Variants in CTTNBP2NL observed in about 807,000 individuals in gnomAD.
The protein encoded by CTTNBP2NL is CTTNBP2 N-terminal-like protein.
In CTTNBP2NL, 16 loss-of-function variants were observed where a neutral mutation model predicts 32.5. That is an observed-to-expected ratio of 0.49 (90% confidence interval 0.33 to 0.75). The LOEUF is 0.75. Ranked by LOEUF, CTTNBP2NL falls within the 30% of genes least tolerant of loss-of-function variation. The pLI, the probability that CTTNBP2NL is intolerant of heterozygous loss-of-function variation, is 0.02. For synonymous variants in CTTNBP2NL, 298 were observed against 289.4 expected, an observed-to-expected ratio of 1.03 and a Z score of -0.30; for missense variants, 645 against 756.0, an observed-to-expected ratio of 0.85 and a Z score of 1.72.
chr1:112,452,989 C>T (rs1317801444), intron 4 of CTTNBP2NL, among the ~76,000 whole-genome samples: 2 of 142,516 alleles, frequency 1.4e-5, no homozygotes, highest in South Asian at 2.2e-4. Context: ...GTGGTGTATG[C>T]CTGTAGTCTC....
chr1:112,456,132 G>T lies in CTTNBP2NL; in HGVS notation c.640G>T (p.Val214Leu). The T allele has an allele frequency of 6.2e-7, 1 of 1,614,156 alleles. No homozygotes were observed. Among genetic ancestry groups the T allele is most frequent in the Non-Finnish European group, 8.5e-7 (1 of 1,180,038 alleles). The part of the protein sequence containing the change: ...SLKLEKEKSR[V>L]SKLEEELAAE... ...GAAATTGGAGAAGGAGAAGAGCCGG[G>T]TGAGTAAACTGGAAGAAGAGTTGGC... The change falls in exon 6 of 6, where the codon GTG becomes TTG. Residue 214 changes from valine to leucine, a missense_variant. Physicochemically the swap from Val to Leu is conservative, Grantham distance 32 (BLOSUM62 1). Coordinates refer to ENST00000271277, the MANE Select transcript of CTTNBP2NL (RefSeq NM_018704.3).
chr1:112,403,701 T>C (rs565899782), intron 1 of CTTNBP2NL, among the ~76,000 whole-genome samples: 2 of 152,358 alleles, frequency 1.3e-5, no homozygotes, highest in South Asian at 2.1e-4. Flanking sequence ...GGTATGCGTT[T>C]ACCTGTATGC....
At chr1:112,405,452 C>T (rs973577136) in intron 1 of CTTNBP2NL, among the ~76,000 whole-genome samples, 1 of 152,132 alleles carries the variant, frequency 6.6e-6, no homozygotes, top group Non-Finnish European at 1.5e-5. Context: ...TGTGCGCCAC[C>T]ATGCCCGGCT....
At position 112,445,811 on chromosome 1, in the gene CTTNBP2NL, G is replaced by T. The variant is rs115144695; in HGVS notation, c.100-3131G>T. On this transcript the variant is annotated intron_variant, in intron 3 of 5. Transcript: ENST00000271277. ...TTATTAATTATACAGGGTAATCACA[G>T]TGTGGGTTTTAAAAGTCATATTTTG... 8.3e-3 allele frequency among the ~76,000 whole-genome samples: 1,259 copies of T among 152,256 alleles called. 18 individuals carry two copies. The highest frequency in any genetic ancestry group is 0.029 in the African/African-American group (1,184 of 41,530).
upstream of CTTNBP2NL, among the ~76,000 whole-genome samples, chr1:112,394,578 A>G (rs1355978426): frequency 6.6e-6 from 1 of 152,184 alleles, no homozygotes; most frequent in Non-Finnish European, 1.5e-5. Context: ...ACCCTGCATC[A>G]TTACTCCAGA....
intron 3 of CTTNBP2NL, among the ~76,000 whole-genome samples, chr1:112,430,740 G>C (rs548991974): frequency 2.0e-5 from 3 of 150,884 alleles, no homozygotes; most frequent in South Asian, 2.1e-4. Flanking sequence ...ATTTTTAGTA[G>C]AGACTAAAAT....
intron 3 of CTTNBP2NL, among the ~76,000 whole-genome samples, chr1:112,438,039 A>G (rs562883112): frequency 7.9e-5 from 12 of 152,222 alleles, no homozygotes; most frequent in Non-Finnish European, 1.6e-4. Flanking sequence ...TCCCGTGTCC[A>G]GAATGGTATT....
chr1:112,402,666 TAAC>T (rs969776498), intron 1 of CTTNBP2NL, among the ~76,000 whole-genome samples: 2 of 152,206 alleles, frequency 1.3e-5, no homozygotes, highest in Admixed American at 6.5e-5. Context: ...GCTACAGAAG[TAAC>T]AACAGAACCA....
chr1:112,397,076 A>G (rs564671426), intron 1 of CTTNBP2NL, among the ~76,000 whole-genome samples: 1 of 152,320 alleles, frequency 6.6e-6, no homozygotes, highest in South Asian at 2.1e-4. Flanking sequence ...GAACTTGATG[A>G]AAAGCCATCT....
chr1:112,411,492 T>A (rs1047620866), intron 1 of CTTNBP2NL, among the ~76,000 whole-genome samples: 1 of 152,180 alleles, frequency 6.6e-6, no homozygotes, highest in African/African-American at 2.4e-5. Flanking sequence ...TGTATGATAA[T>A]GTATCCACAC....
chr1:112,450,740 A>G (rs1650191056), intron 4 of CTTNBP2NL, among the ~76,000 whole-genome samples: 1 of 149,952 alleles, frequency 6.7e-6, no homozygotes, highest in African/African-American at 2.5e-5. Context: ...TGAATATTAA[A>G]TTTTTGAAAC....
At chr1:112,450,313 G>A (rs1035950463) in intron 4 of CTTNBP2NL, among the ~76,000 whole-genome samples, 1 of 152,190 alleles carries the variant, frequency 6.6e-6, no homozygotes, top group East Asian at 1.9e-4. Flanking sequence ...TAGACAGAAT[G>A]TTCAGAGTTT....
At chr1:112,417,027 G>T (rs564379886) in intron 3 of CTTNBP2NL, among the ~76,000 whole-genome samples, 1 of 152,236 alleles carries the variant, frequency 6.6e-6, no homozygotes, top group South Asian at 2.1e-4. Flanking sequence ...ATTGCCTATT[G>T]TTAGTCTCAC....
intron 3 of CTTNBP2NL, among the ~76,000 whole-genome samples, chr1:112,432,429 A>G (rs1035618948): frequency 6.6e-6 from 1 of 152,192 alleles, no homozygotes; most frequent in Admixed American, 6.5e-5. Flanking sequence ...TGTAAGAAAT[A>G]TAATATGCAC....
intron 3 of CTTNBP2NL, among the ~76,000 whole-genome samples, chr1:112,438,481 T>C (rs1467851982): frequency 6.6e-6 from 1 of 152,174 alleles, no homozygotes; most frequent in Non-Finnish European, 1.5e-5. Flanking sequence ...TATATTTCTA[T>C]ATCTATTCTA....
At chr1:112,394,137 C>T (rs1463748832), upstream of CTTNBP2NL, among the ~76,000 whole-genome samples, 1 of 148,554 alleles carries the variant, frequency 6.7e-6, no homozygotes, top group East Asian at 2.0e-4. Context: ...ACCCAGAAGG[C>T]GGAGGTTGTA....
At chr1:112,448,830 G>T in intron 3 of CTTNBP2NL, 112 bp from the exon 4 acceptor site, 2 of 639,030 alleles carry the variant, frequency 3.1e-6, no homozygotes, top group Non-Finnish European at 5.6e-6. Context: ...GTAATTAGTA[G>T]GTTACATTTA....
At position 112,430,178 on chromosome 1, in the gene CTTNBP2NL, TTTCTTTTCTTTTCTTTTCTTTTC is replaced by T. The variant is rs1462031782; in HGVS notation, c.99+13917_99+13939del. Reference sequence around the variant, plus strand: ...AAGCTAGCTCTTTTCTTTCTTTTCTTTTCTTTTCTTTTCTTTTCTTTTCTTTTCTTTTCTTTTCTTTTCTTGTC... The same window carrying T: ...AAGCTAGCTCTTTTCTTTCTTTTCTTTTTTCTTTTCTTTTCTTTTCTTGTC... On this transcript the variant is annotated intron_variant, in intron 3 of 5. Coordinates refer to ENST00000271277, the MANE Select transcript of CTTNBP2NL (RefSeq NM_018704.3). Among the ~76,000 whole-genome samples, 2 of 79,304 alleles carry T rather than the reference TTTCTTTTCTTTTCTTTTCTTTTC, an allele frequency of 2.5e-5. 1 individual carries two copies. The highest frequency in any genetic ancestry group is 2.7e-4 in the Admixed American group (2 of 7,376). 52.0% of individuals were successfully genotyped at this position (79,304 alleles called of 152,430 possible). A position where few individuals can be genotyped will look rare whatever the true frequency, so the allele number is the denominator to read the frequency against.
intron 1 of CTTNBP2NL, among the ~76,000 whole-genome samples, chr1:112,402,929 T>C (rs1281170457): frequency 6.6e-6 from 1 of 152,172 alleles, no homozygotes; most frequent in Non-Finnish European, 1.5e-5. Context: ...ACAGTCATCA[T>C]TTCCCCAGTA....
Sources: gnomAD v4.1 joint callset for allele counts (sites outside exome capture counted in the v4.1 genomes callset) on GRCh38, gnomAD v4.1.1 for gene constraint, MANE v1.5 for transcripts, NCBI Gene and HGNC (gene_info 2026-07-23, HGNC 2026-07-21) for gene names.